Variants in TUBB8B observed in about 807,000 individuals in gnomAD.
The protein encoded by TUBB8B is HSA18p11 beta-tubulin 4Q pseudogene.
Under a neutral mutation model 31.9 loss-of-function variants are expected in TUBB8B, and 26 were observed. The observed-to-expected ratio is 0.81, with a 90% CI of 0.60 to 1.13. The LOEUF is 1.13. Ranked by LOEUF, TUBB8B falls within the 50% of genes most tolerant of loss-of-function variation. The probability of loss-of-function intolerance (pLI) is 0.00; values close to 1 mark genes in which losing one functional copy is unlikely to be tolerated. For synonymous variants in TUBB8B, 173 were observed against 231.0 expected, an observed-to-expected ratio of 0.75 and a Z score of 2.28; for missense variants, 467 against 586.7, an observed-to-expected ratio of 0.80 and a Z score of 2.11.
chr18:69,091 T>C, the TUBB8B span, among the ~76,000 whole-genome samples: 1 of 152,312 alleles, frequency 6.6e-6, no homozygotes, highest in East Asian at 1.9e-4. Flanking sequence ...ATCAAGGAAA[T>C]AATAGTTTAA....
the TUBB8B span, among the ~76,000 whole-genome samples, chr18:73,091 CCT>C: frequency 6.6e-6 from 1 of 152,138 alleles, no homozygotes; most frequent in Admixed American, 6.5e-5. Flanking sequence ...CGTTCCTCCC[CCT>C]CTCCCGGTAC....
chr18:48,633 A>G (rs1179929193), intron 3 of TUBB8B, 186 bp from the exon 4 acceptor site: 1 of 678,708 alleles, frequency 1.5e-6, no homozygotes, highest in East Asian at 2.7e-5. Flanking sequence ...AAATTAAGAC[A>G]GGAGTCAAAC....
chr18:71,035 C>T, the TUBB8B span, among the ~76,000 whole-genome samples: 3 of 151,424 alleles, frequency 2.0e-5, no homozygotes, highest in East Asian at 5.9e-4. Flanking sequence ...ATCACTTGAG[C>T]CCAGGAGTTC....
At chr18:49,413 A>G in intron 1 of TUBB8B, 88 bp downstream of exon 1, 1 of 863,122 alleles carries the variant, frequency 1.2e-6, no homozygotes, top group Non-Finnish European at 1.9e-6. Context: ...AGGGGCCGCA[A>G]TGCAGGGGCA....
At chr18:52,077 G>A (rs796121760), upstream of TUBB8B, among the ~76,000 whole-genome samples, 3 of 150,764 alleles carry the variant, frequency 2.0e-5, no homozygotes, top group Non-Finnish European at 3.0e-5. Context: ...ATCCACTGCT[G>A]CCCTTTAGCT....
At chr18:70,849 G>T in the TUBB8B span, among the ~76,000 whole-genome samples, 1 of 151,788 alleles carries the variant, frequency 6.6e-6, no homozygotes, top group Admixed American at 6.6e-5. Flanking sequence ...TGAGGCAGGA[G>T]AATCGTTTGA....
the TUBB8B span, among the ~76,000 whole-genome samples, chr18:63,689 C>A: frequency 7.6e-6 from 1 of 131,450 alleles, no homozygotes; most frequent in Non-Finnish European, 1.6e-5. Flanking sequence ...TAACCCTAAC[C>A]CCTAACCCTA....
chr18:52,024 G>C (rs572180930), upstream of TUBB8B, among the ~76,000 whole-genome samples: 514 of 151,598 alleles, frequency 3.4e-3, 6 homozygotes, highest in Non-Finnish European at 4.2e-3. Context: ...TGGAGGGTCG[G>C]TCTAGCAATA....
upstream of TUBB8B, among the ~76,000 whole-genome samples, chr18:54,288 G>C (rs1174374086): frequency 6.6e-6 from 1 of 151,422 alleles, no homozygotes; most frequent in African/African-American, 2.4e-5. Context: ...ATATTTATGG[G>C]GGTACATGAC....
chr18:49,884 G>T (rs1040361766), upstream of TUBB8B: 3 of 523,374 alleles, frequency 5.7e-6, no homozygotes, highest in African/African-American at 1.9e-5. Context: ...TTCCTCCCAT[G>T]TGGGAGGGGA....
chr18:47,887 G>T lies in TUBB8B; in HGVS notation c.838C>A (p.Gln280Lys). Reference protein sequence around the residue: ...FAPLTSRGSQQYRALTVAELT... With the variant: ...FAPLTSRGSQKYRALTVAELT... ...TCAGCCACAGTCAAGGCCCGGTACT[G>T]CTGGCTGCCCCGGCTGGTCAGTGGG... The change falls in exon 4 of 4, where the codon CAG (glutamine) becomes AAG (lysine). Residue 280 changes from glutamine (Q) to lysine (K), a missense_variant. This residue lies in a region of TUBB8B where 259 missense variants were observed against 380.1 expected (regional missense o/e 0.68). Transcript: ENST00000308911. The T allele has an allele frequency of 6.2e-7, 1 of 1,611,262 alleles. No homozygotes were observed. The highest frequency in any genetic ancestry group is 8.5e-7 in the Non-Finnish European group (1 of 1,179,578).
chr18:49,364 C>T (rs548994882), intron 1 of TUBB8B, 127 bp from the exon 2 acceptor site: 31 of 799,978 alleles, frequency 3.9e-5, no homozygotes, highest in East Asian at 2.5e-4. Flanking sequence ...CCAGCCGCCT[C>T]GCCAGCCACC....
chr18:57,424 T>C, the TUBB8B span, among the ~76,000 whole-genome samples: 2 of 150,812 alleles, frequency 1.3e-5, 1 homozygote, highest in Non-Finnish European at 3.0e-5. Flanking sequence ...AGAAGGGGAG[T>C]TATTGAATTT....
chr18:61,704 CA>C, the TUBB8B span, among the ~76,000 whole-genome samples: 1 of 151,258 alleles, frequency 6.6e-6, no homozygotes, highest in East Asian at 1.9e-4. Context: ...ATTGCATAAA[CA>C]AAGAAACAAG....
chr18:72,970 G>GAAACA, the TUBB8B span, among the ~76,000 whole-genome samples: 1 of 152,094 alleles, frequency 6.6e-6, no homozygotes, highest in Non-Finnish European at 1.5e-5. Context: ...CGTCTCGAAA[G>GAAACA]AAACAAAACA....
chr18:48,900 T>C (rs1218686066), intron 3 of TUBB8B, 40 bp downstream of exon 3: 4 of 1,395,112 alleles, frequency 2.9e-6, no homozygotes, highest in Non-Finnish European at 4.1e-6. Flanking sequence ...TGAGCTGCCC[T>C]GGCTAAGGAG....
chr18:65,357 G>A, the TUBB8B span, among the ~76,000 whole-genome samples: 7 of 151,948 alleles, frequency 4.6e-5, no homozygotes, highest in East Asian at 1.9e-4. Context: ...ATACTAGCAC[G>A]TATTTTGAGG....
rs755418201 is a variant in TUBB8B, at chr18:49,054, C to T, written c.167-4G>A. 9.4e-6 allele frequency: 15 copies of T among 1,591,300 alleles called. No individual in the cohort carries two copies. In the Middle Eastern group the frequency reaches 6.7e-4, roughly 71 times the overall value. ...GCGCGGGGCACGTACCTGCCACCTG[C>T]GTGGGGCGGGAGGGCATGAGCGAGG... On this transcript the variant is annotated splice_region_variant and splice_polypyrimidine_tract_variant and intron_variant, in intron 2 of 3. Coordinates refer to ENST00000308911, the MANE Select transcript of TUBB8B (RefSeq NM_001358689.2).
the TUBB8B span, among the ~76,000 whole-genome samples, chr18:64,235 T>C: frequency 2.6e-5 from 4 of 152,128 alleles, no homozygotes; most frequent in Non-Finnish European, 4.4e-5. Context: ...TGCATATTCA[T>C]TCTGTCATAC....
Sources: gnomAD v4.1 joint callset for allele counts (sites outside exome capture counted in the v4.1 genomes callset) on GRCh38, gnomAD v4.1.1 for gene constraint, gnomAD v4.1.1 regional missense constraint, MANE v1.5 for transcripts, NCBI Gene and HGNC (gene_info 2026-07-23, HGNC 2026-07-21) for gene names.